Variants in GATAD2A observed in about 807,000 individuals in gnomAD.
GATAD2A encodes transcriptional repressor p66-alpha.
GATAD2A carries 12 observed loss-of-function variants against 68.5 expected under a neutral mutation model. The ratio of observed to expected loss-of-function variants is 0.18; its 90% CI spans 0.11 to 0.28. The LOEUF is 0.28. Ranked by LOEUF, GATAD2A falls within the 10% of genes least tolerant of loss-of-function variation. The probability of loss-of-function intolerance (pLI) is 1.00; values close to 1 mark genes in which losing one functional copy is unlikely to be tolerated. For synonymous variants in GATAD2A, 410 were observed against 375.3 expected, an observed-to-expected ratio of 1.09 and a Z score of -1.07; for missense variants, 755 against 868.5, an observed-to-expected ratio of 0.87 and a Z score of 1.64.
rs34142359 is a variant in GATAD2A, at chr19:19,395,559, T to C, written c.-7+9421T>C. Among the ~76,000 whole-genome samples, 149 of 152,074 alleles carry C rather than the reference T, an allele frequency of 9.8e-4. 1 individual carries two copies. Among genetic ancestry groups the C allele is most frequent in the Non-Finnish European group, 1.8e-3 (121 of 67,976 alleles). ...GGACCTGTACTTGCCAGTTTTGGGG[T>C]CTCAACTAATACACCCACAAACTCA... On this transcript the variant is annotated intron_variant, in intron 1 of 11. Coordinates refer to the GATAD2A transcript ENST00000360315.
In GATAD2A at chr19:19,507,002, TCA is replaced by T. The variant is rs961044549; in HGVS notation, c.*1529_*1530del. ...CCAGGCTCCTGTCGTGTGAATATCC[TCA>T]GTCTGTAGGAAACTTTTTTTGACAC... On this transcript the variant is annotated 3_prime_UTR_variant, in exon 12 of 12. Transcript: ENST00000683918. 19 of 152,314 alleles carry T rather than the reference TCA, an allele frequency of 1.2e-4. No individual in the cohort carries two copies. The highest frequency in any genetic ancestry group is 4.1e-4 in the South Asian group (2 of 4,826). The allele number at this position is 152,314 out of a possible 1,614,324, so 9.4% of individuals were successfully genotyped here. A position where few individuals can be genotyped will look rare whatever the true frequency, so the allele number is the denominator to read the frequency against.
At chr19:19,483,280 A>G (rs913688738) in intron 2 of GATAD2A, among the ~76,000 whole-genome samples, 30 of 152,202 alleles carry the variant, frequency 2.0e-4, no homozygotes, top group Admixed American at 1.3e-3. Context: ...AGTGCTCACC[A>G]TAATGGATTC....
intron 1 of GATAD2A, among the ~76,000 whole-genome samples, chr19:19,445,879 T>G (rs573640496): frequency 5.5e-4 from 84 of 152,340 alleles, no homozygotes; most frequent in African/African-American, 2.0e-3. Context: ...CTTTTAACAT[T>G]CACCTGCACA....
At chr19:19,484,823 G>A (rs1382191376) in intron 2 of GATAD2A, among the ~76,000 whole-genome samples, 3 of 152,146 alleles carry the variant, frequency 2.0e-5, no homozygotes, top group African/African-American at 7.2e-5. Flanking sequence ...GTGAGCCACC[G>A]CGCCCAGCCT....
At chr19:19,444,158 G>T (rs575843068) in intron 1 of GATAD2A, among the ~76,000 whole-genome samples, 1 of 152,100 alleles carries the variant, frequency 6.6e-6, no homozygotes, top group South Asian at 2.1e-4. Context: ...TCAGTACCTG[G>T]GGCACATCTG....
intron 1 of GATAD2A, among the ~76,000 whole-genome samples, chr19:19,463,200 C>G (rs2057593299): frequency 6.6e-6 from 1 of 152,200 alleles, no homozygotes; most frequent in African/African-American, 2.4e-5. Context: ...TAAGGCAGTG[C>G]TTGAAGGAGA....
intron 2 of GATAD2A, among the ~76,000 whole-genome samples, chr19:19,478,762 A>G (rs1013211643): frequency 1.3e-5 from 2 of 151,276 alleles, no homozygotes; most frequent in Admixed American, 6.6e-5. Flanking sequence ...GTCAGTTGAG[A>G]TGGCACCACT....
At chr19:19,459,368 C>CTT (rs112022185) in intron 1 of GATAD2A, among the ~76,000 whole-genome samples, 1 of 143,900 alleles carries the variant, frequency 6.9e-6, no homozygotes, top group Admixed American at 7.0e-5. Context: ...CTATATACAC[C>CTT]TTTTTTTTTT....
chr19:19,408,283 C>T (rs2050521973), intron 1 of GATAD2A, among the ~76,000 whole-genome samples: 2 of 152,188 alleles, frequency 1.3e-5, no homozygotes, highest in African/African-American at 2.4e-5. Context: ...CCACGCCTGG[C>T]GGATGCATTG....
At chr19:19,398,061 G>A (rs1306287507) in intron 1 of GATAD2A, among the ~76,000 whole-genome samples, 1 of 151,554 alleles carries the variant, frequency 6.6e-6, no homozygotes, top group East Asian at 1.9e-4. Context: ...GCGCCACCAG[G>A]CTCGGCTAAT....
chr19:19,418,920 A>G (rs1487522577), intron 1 of GATAD2A, among the ~76,000 whole-genome samples: 2 of 152,144 alleles, frequency 1.3e-5, no homozygotes, highest in Non-Finnish European at 2.9e-5. Flanking sequence ...ACCAAGACCC[A>G]AACAGGGTCA....
intron 1 of GATAD2A, among the ~76,000 whole-genome samples, chr19:19,414,731 T>C (rs1232747369): frequency 6.6e-6 from 1 of 150,754 alleles, no homozygotes; most frequent in Non-Finnish European, 1.5e-5. Flanking sequence ...GATGGGGTTT[T>C]ACCATGTTGG....
chr19:19,403,561 TAA>T (rs375757555), upstream of GATAD2A, among the ~76,000 whole-genome samples: 2 of 144,226 alleles, frequency 1.4e-5, no homozygotes, highest in Admixed American at 6.9e-5. Context: ...GCCTCCCTCT[TAA>T]AAAAAAAAAG....
chr19:19,502,356 C>G lies in GATAD2A; in HGVS notation c.1604C>G (p.Ser535Trp). 6.2e-7 allele frequency: 1 copy of G among 1,612,254 alleles called. No individual in the cohort carries two copies. The change falls in exon 11 of 12, where the codon TCG becomes TGG. Residue 535 changes from serine (S) to tryptophan (W), a missense_variant. Physicochemically the swap from Ser to Trp is radical, Grantham distance 177. Transcript: ENST00000683918. ...GCCTCCAGCCAGCTGTCCCGGGGTT[C>G]GGCCACGACGCCCCGAGGTGTCCTG... The part of the protein sequence containing the change: ...LQASSQLSRG[S>W]ATTPRGVLHT...
intron 1 of GATAD2A, among the ~76,000 whole-genome samples, chr19:19,421,647 G>A (rs1197418478): frequency 6.6e-6 from 1 of 152,118 alleles, no homozygotes; most frequent in Non-Finnish European, 1.5e-5. Flanking sequence ...ACTCTACTGT[G>A]TGCGAGGGAA....
chr19:19,397,565 A>G (rs890916034), intron 1 of GATAD2A, among the ~76,000 whole-genome samples: 1 of 152,166 alleles, frequency 6.6e-6, no homozygotes, highest in African/African-American at 2.4e-5. Context: ...TCAGGAAGCA[A>G]TGATGGCCAG....
chr19:19,440,507 CT>C, intron 1 of GATAD2A: 1 of 216,428 alleles, frequency 4.6e-6, no homozygotes, highest in South Asian at 5.1e-5. Context: ...GTCTGCCCAC[CT>C]TGGCCTCCCA....
intron 1 of GATAD2A, among the ~76,000 whole-genome samples, chr19:19,463,114 G>A (rs940536018): frequency 2.0e-5 from 3 of 152,144 alleles, no homozygotes; most frequent in African/African-American, 7.2e-5. Context: ...CTTGTCCGAG[G>A]TCCTGGCCTC....
rs533684703 is a variant in GATAD2A, at chr19:19,501,359, G to C, written c.1446G>C (p.Thr482=). ...EIEQRLLQQG[T]APAQAKAEPT... is the part of the protein sequence containing the mutation. ...AGCAGCGGCTCCTGCAGCAGGGCACGGCCCCTGCACAGGCCAAGGCCGAGC... is the reference window on the plus strand; with the variant it reads ...AGCAGCGGCTCCTGCAGCAGGGCACCGCCCCTGCACAGGCCAAGGCCGAGC... Residue 482 remains threonine (T), a synonymous_variant, in exon 9 of 12, where the codon ACG becomes ACC. Transcript: ENST00000683918. 1.2e-6 allele frequency: 2 copies of C among 1,611,490 alleles called. No homozygotes were observed. The highest frequency in any genetic ancestry group is 2.2e-5 in the East Asian group (1 of 44,726).
Sources: gnomAD v4.1 joint callset for allele counts (sites outside exome capture counted in the v4.1 genomes callset) on GRCh38, gnomAD v4.1.1 for gene constraint, MANE v1.5 for transcripts, NCBI Gene and HGNC (gene_info 2026-07-23, HGNC 2026-07-21) for gene names.